The following BCLAF3 variants were observed in gnomAD, a reference collection of about 807,000 sequenced individuals.
The protein encoded by BCLAF3 is BCLAF1 and THRAP3 family member 3, also known as transient octamer binding factor 1.
In BCLAF3, 24 loss-of-function variants were observed where a neutral mutation model predicts 51.2. That is an observed-to-expected ratio of 0.47 (90% CI 0.34 to 0.66). BCLAF3 has a LOEUF of 0.66. Ranked by LOEUF, BCLAF3 falls within the 30% of genes least tolerant of loss-of-function variation. BCLAF3 has a pLI of 0.01. For synonymous variants in BCLAF3, 152 were observed against 176.6 expected, an observed-to-expected ratio of 0.86 and a Z score of 1.10; for missense variants, 465 against 525.1, an observed-to-expected ratio of 0.89 and a Z score of 1.12.
chrX:19,961,442 G>A (rs2071855310), intron 4 of BCLAF3, among the ~76,000 whole-genome samples: 2 of 111,623 alleles, frequency 1.8e-5, no homozygotes, highest in South Asian at 7.4e-4. Context: ...CTGACAATTG[G>A]AAGAACAAAT....
intron 11 of BCLAF3, among the ~76,000 whole-genome samples, chrX:19,926,008 G>C (rs1352263785): frequency 9.0e-6 from 1 of 111,634 alleles, no homozygotes; most frequent in Non-Finnish European, 1.9e-5. Flanking sequence ...TGTACTTGTA[G>C]AGCTGGGCTT....
At chrX:19,954,665 C>G (rs942515989) in intron 5 of BCLAF3, among the ~76,000 whole-genome samples, 5 of 111,812 alleles carry the variant, frequency 4.5e-5, no homozygotes, top group Admixed American at 3.8e-4. Flanking sequence ...GAAAAAAACT[C>G]ATTTTCAAAA....
intron 11 of BCLAF3, among the ~76,000 whole-genome samples, chrX:19,918,454 C>A (rs937159407): frequency 9.2e-6 from 1 of 108,571 alleles, no homozygotes; most frequent in Non-Finnish European, 1.9e-5. Context: ...TACATTCACC[C>A]TTGACATAGC....
chrX:19,954,466 G>C (rs1393239538), intron 5 of BCLAF3, among the ~76,000 whole-genome samples: 1 of 111,866 alleles, frequency 8.9e-6, no homozygotes, highest in Admixed American at 9.5e-5. Context: ...TGCTACTTAA[G>C]CAATCCTCTT....
chrX:19,968,352 G>A (rs149257036), intron 2 of BCLAF3, among the ~76,000 whole-genome samples: 3 of 112,662 alleles, frequency 2.7e-5, no homozygotes, highest in Non-Finnish European at 3.8e-5. Flanking sequence ...GATAGAGATA[G>A]GGTCTCACTC....
chrX:19,983,761 C>T (rs1296820823), intron 1 of BCLAF3, among the ~76,000 whole-genome samples: 1 of 106,511 alleles, frequency 9.4e-6, no homozygotes, highest in African/African-American at 3.4e-5. Flanking sequence ...GTATACGAGG[C>T]AAATGGAAAC....
rs2072057985 is a variant in BCLAF3, at chrX:19,966,415, C to A, written c.276G>T (p.Met92Ile). Residue 92 changes from methionine to isoleucine, a missense_variant, in exon 3 of 12, where the codon ATG (methionine) becomes ATT (isoleucine). By Grantham distance (10) the Met-to-Ile change is conservative. Coordinates refer to ENST00000379682, the MANE Select transcript of BCLAF3 (RefSeq NM_001367774.2). ...NIRNSLENVY[M>I]YKPHRGYSPG... ...GCGAATATCCTCTGTGAGGCTTATA[C>A]ATATAAACATTTTCTAAAGAGTTTC... 3.3e-6 allele frequency: 4 copies of A among 1,209,603 alleles called. No individual in the cohort carries two copies. The African/African-American group carries it at 5.3e-5, about 16-fold the overall frequency.
At chrX:19,979,640 A>G (rs897847078) in intron 1 of BCLAF3, among the ~76,000 whole-genome samples, 2 of 110,961 alleles carry the variant, frequency 1.8e-5, no homozygotes, top group Non-Finnish European at 3.8e-5. Flanking sequence ...ATTCAAAATC[A>G]TTTGAGGATA....
chrX:19,965,431 G>C lies in BCLAF3; in HGVS notation c.887C>G (p.Ser296Cys), dbSNP rs368892774. The C allele has an allele frequency of 1.9e-5, 23 of 1,210,114 alleles. No individual in the cohort carries two copies. The African/African-American group carries it at 3.7e-4, about 19-fold the overall frequency. ...ACAGTACTTCTGAGTTCTCCCATCA[G>C]AAAAGTCCTGGTCCCCATCCAAGAG... ...PKLLDGDQDF[S>C]DGRTQKYCKE... The change falls in exon 4 of 12, where the codon TCT becomes TGT. Residue 296 changes from serine to cysteine, a missense_variant. Coordinates refer to ENST00000379682, the MANE Select transcript of BCLAF3 (RefSeq NM_001367774.2).
At chrX:19,945,965 A>C (rs1248631167) in intron 8 of BCLAF3, among the ~76,000 whole-genome samples, 1 of 109,342 alleles carries the variant, frequency 9.1e-6, no homozygotes, top group Non-Finnish European at 1.9e-5. Context: ...GGTGTGGGAT[A>C]TAGTCTCGTG....
At chrX:19,927,873 C>A (rs2070409261) in intron 11 of BCLAF3, among the ~76,000 whole-genome samples, 1 of 106,015 alleles carries the variant, frequency 9.4e-6, no homozygotes, top group Non-Finnish European at 1.9e-5. Context: ...TGCATTTTCT[C>A]TTTCTTTCTT....
At chrX:19,958,612 C>A (rs920384189) in intron 4 of BCLAF3, among the ~76,000 whole-genome samples, 1 of 112,055 alleles carries the variant, frequency 8.9e-6, no homozygotes, top group Non-Finnish European at 1.9e-5. Context: ...TGATGTGTTA[C>A]AATTGCCTAC....
intron 4 of BCLAF3, 96 bp downstream of exon 4, chrX:19,964,948 T>G: frequency 1.3e-6 from 1 of 744,837 alleles, no homozygotes; most frequent in Non-Finnish European, 1.8e-6. Flanking sequence ...TCCCACTTGA[T>G]GGACTCTAAA....
intron 2 of BCLAF3, among the ~76,000 whole-genome samples, chrX:19,968,170 C>T (rs771870026): frequency 2.7e-5 from 3 of 112,591 alleles, no homozygotes; most frequent in African/African-American, 9.7e-5. Flanking sequence ...CCCTTTCTTC[C>T]GAAGAAGTTT....
At chrX:19,959,617 A>T (rs1181272622) in intron 4 of BCLAF3, among the ~76,000 whole-genome samples, 1 of 96,095 alleles carries the variant, frequency 1.0e-5, no homozygotes, top group African/African-American at 4.1e-5. Context: ...GACTAAAAAT[A>T]AAAAAAAAAA....
chrX:19,932,481 G>C (rs2070599022), intron 10 of BCLAF3, among the ~76,000 whole-genome samples: 1 of 108,481 alleles, frequency 9.2e-6, no homozygotes, highest in Non-Finnish European at 1.9e-5. Flanking sequence ...TAGAAAGTTA[G>C]GATCTGAATA....
Position 19,913,977 on chromosome X carries a change from C to G in BCLAF3, c.*3328G>C, listed in dbSNP as rs752111152. ...TAATGGACTCAGAGCTCATAATCAT[C>G]CTATTTGACGGAACTTTGTTGGGGA... On this transcript the variant is annotated 3_prime_UTR_variant, in exon 12 of 12. Coordinates refer to ENST00000379682, the MANE Select transcript of BCLAF3 (RefSeq NM_001367774.2). 9.0e-6 allele frequency: 1 copy of G among 111,439 alleles called. No homozygotes were observed. Among genetic ancestry groups the G allele is most frequent in the East Asian group, 2.8e-4 (1 of 3,553 alleles). The allele number at this position is 111,439 out of a possible 1,213,427, so 9.2% of individuals were successfully genotyped here. A position where few individuals can be genotyped will look rare whatever the true frequency, so the allele number is the denominator to read the frequency against.
Position 19,955,556 on chromosome X carries a change from T to C in BCLAF3, c.1285A>G (p.Ser429Gly). The change falls in exon 5 of 12, where the codon AGC (serine) becomes GGC (glycine). Residue 429 changes from serine (S) to glycine (G), a missense_variant. Transcript: ENST00000379682. ...KTVDTFRVASSYSTERQMSHD... is the reference protein window; with the variant it reads ...KTVDTFRVASGYSTERQMSHD... ...GACATCTGTCTCTCTGTGGAATAGC[T>C]AGAAGCAACCCTAGAATAATTTGCA... The C allele has an allele frequency of 8.4e-7, 1 of 1,185,357 alleles. No individual in the cohort carries two copies. Among genetic ancestry groups the C allele is most frequent in the East Asian group, 3.1e-5 (1 of 32,588 alleles).
At chrX:19,977,736 C>T (rs1278596305) in intron 1 of BCLAF3, among the ~76,000 whole-genome samples, 1 of 112,065 alleles carries the variant, frequency 8.9e-6, no homozygotes, top group African/African-American at 3.2e-5. Context: ...GATGAAACAG[C>T]CTTCTCTTGG....
Sources: allele counts gnomAD v4.1 joint callset (sites outside exome capture counted in the v4.1 genomes callset), GRCh38; gene constraint gnomAD v4.1.1; transcripts MANE v1.5; gene names NCBI Gene and HGNC (gene_info 2026-07-23, HGNC 2026-07-21).